TM9SF4: variants seen among roughly 807,000 people sequenced by gnomAD.
TM9SF4 encodes dinucleotide oxidase disulfide thiol exchanger 3 superfamily member 4.
In TM9SF4, 26 loss-of-function variants were observed where a neutral mutation model predicts 90.4. The ratio of observed to expected loss-of-function variants is 0.29; its 90% confidence interval spans 0.21 to 0.40. TM9SF4 has a LOEUF of 0.40. Among genes scored for constraint, TM9SF4 ranks in the 10% least tolerant of loss-of-function variants. TM9SF4 has a pLI of 1.00. For missense variants in TM9SF4, 549 were observed against 834.8 expected (o/e 0.66, Z 4.22); for synonymous variants, 293 against 315.4 (o/e 0.93, Z 0.75).
At chr20:32,122,588 G>A (rs1009642848) in intron 1 of TM9SF4, among the ~76,000 whole-genome samples, 179 of 149,268 alleles carry the variant, frequency 1.2e-3, no homozygotes, top group African/African-American at 4.1e-3. Flanking sequence ...GGGCAGAGAC[G>A]CTCCTCACTT....
At chr20:32,115,806 G>GTTTTTTTTTTTTTTT (rs1243268586) in intron 1 of TM9SF4, among the ~76,000 whole-genome samples, 1 of 106,306 alleles carries the variant, frequency 9.4e-6, no homozygotes, top group Non-Finnish European at 1.8e-5. Flanking sequence ...ACCACTTTAA[G>GTTTTTTTTTTTTTTT]CTTTTTTTTT....
chr20:32,149,773 G>A lies in TM9SF4; in HGVS notation c.1087+7G>A, dbSNP rs1238573465. On this transcript the variant is annotated splice_region_variant and intron_variant, in intron 10 of 17. Transcript: ENST00000398022. ...ATGATCCTCATCGTCATCTGTGAGTGTGCCCAGCGGGGCCGGGCATGGGGG... is the reference window on the plus strand; with the variant it reads ...ATGATCCTCATCGTCATCTGTGAGTATGCCCAGCGGGGCCGGGCATGGGGG... 1 of 1,613,886 alleles carries A rather than the reference G, an allele frequency of 6.2e-7. No homozygotes were observed. Among genetic ancestry groups the A allele is most frequent in the East Asian group, 2.2e-5 (1 of 44,882 alleles).
At position 32,152,069 on chromosome 20, in the gene TM9SF4, A is replaced by G. The variant is rs918613134; in HGVS notation, c.1245+1194A>G. On this transcript the variant is annotated intron_variant, in intron 12 of 17. Coordinates refer to ENST00000398022, the MANE Select transcript of TM9SF4 (RefSeq NM_014742.4). ...GTATTTTTAGTAGAGATGGGGTTTC[A>G]CCATGTTAGCCAGGATGGTCTCGAT... 4.0e-5 allele frequency among the ~76,000 whole-genome samples: 6 copies of G among 148,730 alleles called. 1 individual carries two copies. The highest frequency in any genetic ancestry group is 3.4e-4 in the Admixed American group (5 of 14,896).
At chr20:32,154,979 A>C in intron 12 of TM9SF4, 124 bp from the exon 13 acceptor site, 1 of 736,358 alleles carries the variant, frequency 1.4e-6, no homozygotes, top group South Asian at 1.5e-5. Context: ...TTCTGGAAGG[A>C]ATGATGCTTG....
chr20:32,114,899 A>C (rs780351535), intron 1 of TM9SF4, among the ~76,000 whole-genome samples: 1 of 152,252 alleles, frequency 6.6e-6, no homozygotes. Context: ...TGTTTTCCAC[A>C]TATGTCATGT....
intron 12 of TM9SF4, among the ~76,000 whole-genome samples, chr20:32,152,923 C>T (rs1179843829): frequency 6.6e-6 from 1 of 152,170 alleles, no homozygotes; most frequent in Non-Finnish European, 1.5e-5. Context: ...TTTTTCCTAC[C>T]TAGCACAGTG....
intron 1 of TM9SF4, among the ~76,000 whole-genome samples, chr20:32,130,202 C>T (rs1405694700): frequency 6.6e-6 from 1 of 152,198 alleles, no homozygotes; most frequent in Non-Finnish European, 1.5e-5. Flanking sequence ...GTATTATATT[C>T]AAAGATTCTA....
At position 32,150,805 on chromosome 20, in the gene TM9SF4, T is replaced by C. The variant is rs764731291; in HGVS notation, c.1175T>C (p.Phe392Ser). Residue 392 changes from phenylalanine to serine, a missense_variant, in exon 12 of 18, where the codon TTT (phenylalanine) becomes TCT (serine). Phe to Ser is a radical substitution (Grantham distance 155). Coordinates refer to ENST00000398022, the MANE Select transcript of TM9SF4 (RefSeq NM_014742.4). ...TCCCTGCCATTTTCCCACAGGGTGT[T>C]TGGCGGATTTTCTGCTGGCCGTCTG... ...ACFLFMFMGV[F>S]GGFSAGRLYR... The C allele has an allele frequency of 1.2e-6, 2 of 1,614,048 alleles. No homozygotes were observed. The highest frequency in any genetic ancestry group is 1.7e-6 in the Non-Finnish European group (2 of 1,179,996).
At chr20:32,159,886 TG>T in intron 15 of TM9SF4, 105 bp from the exon 16 acceptor site, 1 of 1,495,530 alleles carries the variant, frequency 6.7e-7, no homozygotes, top group Non-Finnish European at 9.2e-7. Flanking sequence ...CGGGCCCTGA[TG>T]GTGTCATGAT....
At chr20:32,128,022 G>A (rs2046449018) in intron 1 of TM9SF4, among the ~76,000 whole-genome samples, 1 of 152,192 alleles carries the variant, frequency 6.6e-6, no homozygotes, top group Non-Finnish European at 1.5e-5. Flanking sequence ...GCTTATTAAT[G>A]CTTTCAAATT....
intron 1 of TM9SF4, among the ~76,000 whole-genome samples, chr20:32,124,442 G>A (rs983121585): frequency 6.6e-6 from 1 of 152,166 alleles, no homozygotes; most frequent in African/African-American, 2.4e-5. Flanking sequence ...TTCCCAGCCT[G>A]GTGATAGACC....
In TM9SF4 at chr20:32,143,081, A is replaced by G; in HGVS notation, c.628A>G (p.Ile210Val). 1 of 1,613,652 alleles carries G rather than the reference A, an allele frequency of 6.2e-7. No individual in the cohort carries two copies. Among genetic ancestry groups the G allele is most frequent in the Non-Finnish European group, 8.5e-7 (1 of 1,179,688 alleles). ...GTACCGTGTCGTCCGCTTCGAGGTG[A>G]TTCCCCAGAGCATCAGGCTGGAGGG... Reference protein sequence around the residue: ...HTYRVVRFEVIPQSIRLEDLK... With the variant: ...HTYRVVRFEVVPQSIRLEDLK... The change falls in exon 6 of 18, where the codon ATT becomes GTT. Residue 210 changes from isoleucine (I) to valine (V), a missense_variant. Ile to Val is a conservative substitution (Grantham distance 29). Transcript: ENST00000398022.
rs1331112406 is a variant in TM9SF4, at chr20:32,155,186, G to A, written c.1329G>A (p.Ala443=). 6.2e-7 allele frequency: 1 copy of A among 1,613,530 alleles called. No homozygotes were observed. Among genetic ancestry groups the A allele is most frequent in the Non-Finnish European group, 8.5e-7 (1 of 1,179,450 alleles). ...TTTGGGGAAAGCACTCATCAGGAGC[G>A]GTAAGTGCCTCCCCTACCCTTCCAG... The part of the protein sequence containing the change: ...CFIWGKHSSG[A]VPFPTMVALL... Residue 443 remains alanine, a splice_region_variant and synonymous_variant, in exon 13 of 18, where the codon GCG becomes GCA. Transcript: ENST00000398022.
chr20:32,150,947 T>C lies in TM9SF4; in HGVS notation c.1245+72T>C. 16 of 1,568,080 alleles carry C rather than the reference T, an allele frequency of 1.0e-5. No individual in the cohort carries two copies. The South Asian group carries it at 1.7e-4, about 17-fold the overall frequency. On this transcript the variant is annotated intron_variant, in intron 12 of 17. Transcript: ENST00000398022. The stretch of plus-strand genomic sequence containing the variant: ...TCTTCCTGGGCTCCTCAGGAGAAGG[T>C]AGGCAGGTCCTGGTGGGGATTTTTG...
At chr20:32,125,227 G>A (rs1011250488) in intron 1 of TM9SF4, among the ~76,000 whole-genome samples, 20 of 152,046 alleles carry the variant, frequency 1.3e-4, no homozygotes, top group African/African-American at 4.8e-4. Flanking sequence ...AGTCCACCCC[G>A]CCTTATCAAG....
intron 1 of TM9SF4, among the ~76,000 whole-genome samples, chr20:32,115,426 A>C (rs1340076949): frequency 6.6e-6 from 1 of 152,218 alleles, no homozygotes; most frequent in Non-Finnish European, 1.5e-5. Flanking sequence ...GATGAATAAT[A>C]GGAGCCACTA....
At chr20:32,131,770 C>T (rs965028487) in intron 1 of TM9SF4, among the ~76,000 whole-genome samples, 13 of 152,122 alleles carry the variant, frequency 8.5e-5, no homozygotes, top group Non-Finnish European at 1.9e-4. Context: ...TAGTTCCTTG[C>T]AGGGGTGAAG....
Position 32,161,326 on chromosome 20 carries a change from C to T in TM9SF4, c.1740C>T (p.Phe580=). Reference sequence around the variant, plus strand: ...TCCTAGTCTCCGGGGGCTCTGCATTCTACGTCCTGGTTTATGCCATCTTTT... The same window carrying T: ...TCCTAGTCTCCGGGGGCTCTGCATTTTACGTCCTGGTTTATGCCATCTTTT... ...RNFLVSGGSA[F]YVLVYAIFYF... The change falls in exon 17 of 18, where the codon TTC becomes TTT. Residue 580 remains phenylalanine, a synonymous_variant. Transcript: ENST00000398022. The T allele has an allele frequency of 6.2e-7, 1 of 1,614,066 alleles. No homozygotes were observed. Among genetic ancestry groups the T allele is most frequent in the Non-Finnish European group, 8.5e-7 (1 of 1,179,976 alleles).
intron 3 of TM9SF4, chr20:32,137,007 G>A (rs1211499948): frequency 2.1e-6 from 1 of 467,388 alleles, no homozygotes; most frequent in Admixed American, 2.3e-5. Flanking sequence ...GGTATTGGGG[G>A]TCCTGGACCA....
Sources: allele counts gnomAD v4.1 joint callset (sites outside exome capture counted in the v4.1 genomes callset), GRCh38; gene constraint gnomAD v4.1.1; transcripts MANE v1.5; gene names NCBI Gene and HGNC (gene_info 2026-07-23, HGNC 2026-07-21).